Variants in MYO16 observed in about 807,000 individuals in gnomAD.
The protein encoded by MYO16 is myosin XVI, also known as unconventional myosin-XVI.
MYO16 carries 94 observed loss-of-function variants against 205.3 expected under a neutral mutation model. The ratio of observed to expected loss-of-function variants is 0.46; its 90% CI spans 0.39 to 0.54. The LOEUF (loss-of-function observed/expected upper bound fraction) is 0.54. Among genes scored for constraint, MYO16 ranks in the 20% least tolerant of loss-of-function variants. The pLI is 0.00. For missense variants in MYO16, 2,315 were observed against 2,387.5 expected, an observed-to-expected ratio of 0.97 and a Z score of 0.63; for synonymous variants, 988 against 954.0, an observed-to-expected ratio of 1.04 and a Z score of -0.66.
intron 23 of MYO16, among the ~76,000 whole-genome samples, chr13:109,045,304 A>C (rs190712871): frequency 3.9e-5 from 6 of 152,122 alleles, no homozygotes; most frequent in South Asian, 4.1e-4. Context: ...CTGCCCAACT[A>C]TCACCCCCAG....
chr13:108,608,276 C>A (rs1403069466), intron 1 of MYO16, among the ~76,000 whole-genome samples: 1 of 152,146 alleles, frequency 6.6e-6, no homozygotes, highest in African/African-American at 2.4e-5. Flanking sequence ...ATGGCTTCTG[C>A]CTTTGCCCTG....
At chr13:109,001,248 CAAAAA>C (rs1204159960) in intron 21 of MYO16, among the ~76,000 whole-genome samples, 1 of 150,620 alleles carries the variant, frequency 6.6e-6, no homozygotes, top group African/African-American at 2.4e-5. Flanking sequence ...GAAATACAAA[CAAAAA>C]CAAATACGGC....
intron 9 of MYO16, among the ~76,000 whole-genome samples, chr13:108,839,785 C>T (rs763035021): frequency 6.6e-6 from 1 of 152,166 alleles, no homozygotes; most frequent in African/African-American, 2.4e-5. Context: ...AAACATAAAG[C>T]TCTGTGTCTT....
At chr13:108,503,554 C>T in the MYO16 span, among the ~76,000 whole-genome samples, 1 of 151,994 alleles carries the variant, frequency 6.6e-6, no homozygotes, top group African/African-American at 2.4e-5. Flanking sequence ...AAGTGAGGCT[C>T]AAGTTAATCC....
intron 27 of MYO16, among the ~76,000 whole-genome samples, chr13:109,094,407 T>G (rs1002827463): frequency 6.6e-6 from 1 of 152,120 alleles, no homozygotes; most frequent in African/African-American, 2.4e-5. Flanking sequence ...GATGGGGTCT[T>G]GCTGTGTTCC....
intron 9 of MYO16, among the ~76,000 whole-genome samples, chr13:108,838,690 T>TATATACACAC (rs1487944143): frequency 1.1e-4 from 15 of 135,904 alleles, no homozygotes; most frequent in African/African-American, 4.2e-4. Flanking sequence ...TATATATATA[T>TATATACACAC]ACACACACAC....
At chr13:109,119,079 G>A (rs140573418) in intron 28 of MYO16, among the ~76,000 whole-genome samples, 63 of 152,232 alleles carry the variant, frequency 4.1e-4, no homozygotes, top group African/African-American at 1.5e-3. Context: ...GATCATGTAA[G>A]GGAAGAGTTA....
intron 32 of MYO16, among the ~76,000 whole-genome samples, chr13:109,150,018 C>A (rs1877564873): frequency 6.6e-6 from 1 of 152,132 alleles, no homozygotes; most frequent in Non-Finnish European, 1.5e-5. Flanking sequence ...GGACTTCAAC[C>A]TCATAAGTGG....
chr13:109,051,571 A>G (rs1342384928), intron 24 of MYO16, among the ~76,000 whole-genome samples: 1 of 152,140 alleles, frequency 6.6e-6, no homozygotes, highest in Non-Finnish European at 1.5e-5. Context: ...CTTAACCGCC[A>G]CATACATTGT....
At chr13:108,655,136 A>G (rs1253134193) in intron 1 of MYO16, among the ~76,000 whole-genome samples, 1 of 152,218 alleles carries the variant, frequency 6.6e-6, no homozygotes, top group Non-Finnish European at 1.5e-5. Flanking sequence ...AATGTCTCCA[A>G]GGCATGTCAT....
chr13:108,896,130 A>G (rs1014729245), intron 14 of MYO16, among the ~76,000 whole-genome samples: 1 of 152,162 alleles, frequency 6.6e-6, no homozygotes, highest in African/African-American at 2.4e-5. Context: ...ATTACCTGTA[A>G]TGTCCTTTTT....
At chr13:108,779,631 A>G (rs1269146093) in intron 4 of MYO16, 2 of 152,204 alleles carry the variant, frequency 1.3e-5, no homozygotes, top group African/African-American at 4.8e-5. Context: ...CTGGGAGGCT[A>G]ATATAAATGG....
intron 20 of MYO16, among the ~76,000 whole-genome samples, chr13:108,965,209 T>A (rs1487278565): frequency 1.3e-5 from 2 of 152,116 alleles, no homozygotes; most frequent in Non-Finnish European, 2.9e-5. Context: ...AATCTAAAAA[T>A]TTTATAAATC....
chr13:108,520,262 A>G, the MYO16 span, among the ~76,000 whole-genome samples: 1 of 152,136 alleles, frequency 6.6e-6, no homozygotes, highest in East Asian at 1.9e-4. Flanking sequence ...CAAATTATGC[A>G]TGTGAAATTA....
chr13:109,017,826 G>T (rs867282761), intron 22 of MYO16, among the ~76,000 whole-genome samples: 9 of 152,158 alleles, frequency 5.9e-5, no homozygotes, highest in Non-Finnish European at 8.8e-5. Context: ...GGTCATTTAA[G>T]GTCTTCTCTA....
At chr13:108,994,398 T>C (rs1929293) in intron 21 of MYO16, among the ~76,000 whole-genome samples, 69,716 of 151,866 alleles carry the variant, frequency 0.46, 16,213 homozygotes, top group East Asian at 0.67. Flanking sequence ...CTAGGAGTCA[T>C]TTAGAAGAAT....
intron 4 of MYO16, among the ~76,000 whole-genome samples, chr13:108,730,178 G>A (rs1344936370): frequency 1.3e-5 from 2 of 152,096 alleles, no homozygotes; most frequent in Admixed American, 6.5e-5. Context: ...AATCATAGGC[G>A]TGGTTTCCCC....
chr13:109,021,851 A>G (rs1404350481), intron 23 of MYO16, among the ~76,000 whole-genome samples: 1 of 152,002 alleles, frequency 6.6e-6, no homozygotes, highest in Non-Finnish European at 1.5e-5. Context: ...ATGAAGCAAT[A>G]AAAACAAAAA....
At chr13:108,776,279 A>G (rs942743898) in intron 4 of MYO16, among the ~76,000 whole-genome samples, 2 of 152,166 alleles carry the variant, frequency 1.3e-5, no homozygotes, top group African/African-American at 2.4e-5. Context: ...TTGGGAAGTC[A>G]GGGGCATCCA....
Sources: allele counts gnomAD v4.1 joint callset (sites outside exome capture counted in the v4.1 genomes callset), GRCh38; gene constraint gnomAD v4.1.1; transcripts MANE v1.5; gene names NCBI Gene and HGNC (gene_info 2026-07-23, HGNC 2026-07-21).